Variants in GINS1 observed in about 807,000 individuals in gnomAD.
GINS1 encodes the protein GINS complex subunit 1.
GINS1 carries 26 observed loss-of-function variants against 34.9 expected under a neutral mutation model. The ratio of observed to expected loss-of-function variants is 0.74; its 90% CI spans 0.55 to 1.03. GINS1 has a LOEUF of 1.03. Ranked by LOEUF, GINS1 falls within the 50% of genes least tolerant of loss-of-function variation. GINS1 has a pLI of 0.00. For synonymous variants in GINS1, 97 were observed against 84.4 expected (o/e 1.15, Z -0.82); for missense variants, 235 against 237.9 (o/e 0.99, Z 0.08).
chr20:25,439,369 C>A (rs2090470380), intron 5 of GINS1, among the ~76,000 whole-genome samples: 1 of 152,168 alleles, frequency 6.6e-6, no homozygotes, highest in East Asian at 1.9e-4. Flanking sequence ...ACAACAAAAT[C>A]TTGATTGTGA....
intron 1 of GINS1, 187 bp from the exon 2 acceptor site, chr20:25,413,603 A>G (rs2090300937): frequency 7.0e-6 from 4 of 568,582 alleles, no homozygotes; most frequent in Non-Finnish European, 1.3e-5. Flanking sequence ...TCCCACCAGC[A>G]ATGTACGAGG....
At chr20:25,433,606 G>C (rs1408727551) in intron 5 of GINS1, among the ~76,000 whole-genome samples, 1 of 151,866 alleles carries the variant, frequency 6.6e-6, no homozygotes, top group Non-Finnish European at 1.5e-5. Context: ...AAAAATTTTT[G>C]ATTTGCAGAT....
intron 5 of GINS1, among the ~76,000 whole-genome samples, chr20:25,436,945 T>TC (rs1256667806): frequency 6.6e-6 from 1 of 152,212 alleles, no homozygotes; most frequent in African/African-American, 2.4e-5. Context: ...TTCTCCCCTT[T>TC]CCCCCAGGGT....
intron 5 of GINS1, among the ~76,000 whole-genome samples, chr20:25,427,150 C>G (rs6083857): frequency 6.6e-6 from 1 of 152,100 alleles, no homozygotes; most frequent in East Asian, 1.9e-4. Context: ...CTCACCAACA[C>G]TAAATATTTT....
intron 5 of GINS1, among the ~76,000 whole-genome samples, chr20:25,425,676 A>G (rs2090386629): frequency 6.6e-6 from 1 of 152,186 alleles, no homozygotes; most frequent in South Asian, 2.1e-4. Flanking sequence ...CTAAATTTTG[A>G]AAGTAAAATG....
intron 5 of GINS1, among the ~76,000 whole-genome samples, chr20:25,429,260 A>G (rs977275182): frequency 6.6e-5 from 10 of 152,106 alleles, no homozygotes; most frequent in African/African-American, 1.7e-4. Flanking sequence ...AGAGTGCCGG[A>G]TTACAGGCAT....
intron 1 of GINS1, among the ~76,000 whole-genome samples, chr20:25,411,527 G>A (rs1385804166): frequency 1.3e-5 from 2 of 152,170 alleles, no homozygotes; most frequent in Non-Finnish European, 2.9e-5. Context: ...GGCTGGACAC[G>A]GTGGCTCCTG....
chr20:25,408,133 A>G (rs1198048429), intron 1 of GINS1, among the ~76,000 whole-genome samples: 3 of 152,264 alleles, frequency 2.0e-5, no homozygotes, highest in African/African-American at 7.2e-5. Context: ...TTCCTTGGAC[A>G]GATTTGTTCC....
intron 4 of GINS1, among the ~76,000 whole-genome samples, chr20:25,418,987 C>G (rs2090338130): frequency 6.6e-6 from 1 of 152,202 alleles, no homozygotes; most frequent in South Asian, 2.1e-4. Context: ...TGTAGGGGTT[C>G]ACCACGAGTC....
chr20:25,431,720 G>A (rs1369678720), intron 5 of GINS1, among the ~76,000 whole-genome samples: 4 of 151,338 alleles, frequency 2.6e-5, no homozygotes, highest in South Asian at 2.1e-4. Flanking sequence ...GTAGGGGTGC[G>A]CCACCACGCC....
In GINS1 at chr20:25,417,114, A is replaced by G; in HGVS notation, c.151A>G (p.Lys51Glu). ...AAATGCTCCTATCAGGAATGAAGCA[A>G]AGTCAGGTGGACGAAGTGATTTGAT... ...EQNQSDVNEAKSGGRSDLIPT... is the reference protein window; with the variant it reads ...EQNQSDVNEAESGGRSDLIPT... Residue 51 changes from lysine (K) to glutamate (E), a missense_variant, in exon 3 of 7, where the codon AAG becomes GAG. Coordinates refer to ENST00000262460, the MANE Select transcript of GINS1 (RefSeq NM_021067.5). 1 of 1,546,588 alleles carries G rather than the reference A, an allele frequency of 6.5e-7. No homozygotes were observed. The highest frequency in any genetic ancestry group is 8.9e-7 in the Non-Finnish European group (1 of 1,121,736).
At chr20:25,426,982 T>TGGATATATAAA (rs2090395038) in intron 5 of GINS1, among the ~76,000 whole-genome samples, 2 of 152,272 alleles carry the variant, frequency 1.3e-5, no homozygotes, top group East Asian at 3.9e-4. Context: ...TATAAATCTC[T>TGGATATATAAA]TTGAGACTCT....
rs908026116 is a variant in GINS1, at chr20:25,448,015, C to T, written c.*2024C>T. The T allele has an allele frequency of 6.6e-6, 1 of 152,370 alleles. No individual in the cohort carries two copies. The highest frequency in any genetic ancestry group is 6.5e-5 in the Admixed American group (1 of 15,278). The allele number at this position is 152,370 out of a possible 1,614,324, so 9.4% of individuals were successfully genotyped here. Reference sequence around the variant, plus strand: ...GTGTGGTGGTGCATGCCTGTAGTCACAGTTACACGGCAGGCTGAGGTGGGA... The same window carrying T: ...GTGTGGTGGTGCATGCCTGTAGTCATAGTTACACGGCAGGCTGAGGTGGGA... On this transcript the variant is annotated 3_prime_UTR_variant, in exon 7 of 7. Transcript: ENST00000262460.
At chr20:25,425,526 GT>G (rs1368199009) in intron 5 of GINS1, among the ~76,000 whole-genome samples, 199 bp downstream of exon 5, 1 of 152,172 alleles carries the variant, frequency 6.6e-6, no homozygotes, top group African/African-American at 2.4e-5. Flanking sequence ...TGTTTTAATA[GT>G]TTTGAGTATG....
intron 1 of GINS1, among the ~76,000 whole-genome samples, chr20:25,412,650 A>G (rs11087514): frequency 0.021 from 3,185 of 152,284 alleles, 104 homozygotes; most frequent in African/African-American, 0.072. Context: ...TTGTTCGTCA[A>G]TTTTATTGAT....
chr20:25,428,426 CAG>C (rs1424205474), intron 5 of GINS1, among the ~76,000 whole-genome samples: 3 of 87,324 alleles, frequency 3.4e-5, no homozygotes, highest in East Asian at 6.2e-4. Flanking sequence ...TTTTTTGAGA[CAG>C]AGTCTCTGTC....
At chr20:25,414,189 CAAAAAAAAAAAA>C (rs58400500) in intron 2 of GINS1, among the ~76,000 whole-genome samples, 1 of 67,666 alleles carries the variant, frequency 1.5e-5, no homozygotes, top group South Asian at 6.7e-4. Context: ...ACTCTGTCTC[CAAAAAAAAAAAA>C]AAAAAAAAAA....
At chr20:25,436,878 G>T (rs1477503307) in intron 5 of GINS1, among the ~76,000 whole-genome samples, 2 of 152,050 alleles carry the variant, frequency 1.3e-5, no homozygotes, top group Non-Finnish European at 1.5e-5. Flanking sequence ...TGATTTGATT[G>T]TTTTTGCTGA....
At chr20:25,428,397 C>CTTTTTTTTTTTT (rs544831869) in intron 5 of GINS1, among the ~76,000 whole-genome samples, 1 of 66,570 alleles carries the variant, frequency 1.5e-5, no homozygotes. Context: ...AGCATAATTT[C>CTTTTTTTTTTTT]TTTTTTTTTT....
Sources: gnomAD v4.1 joint callset for allele counts (sites outside exome capture counted in the v4.1 genomes callset) on GRCh38, gnomAD v4.1.1 for gene constraint, MANE v1.5 for transcripts, NCBI Gene and HGNC (gene_info 2026-07-23, HGNC 2026-07-21) for gene names.